COL5A2: variants seen among roughly 807,000 people sequenced by gnomAD.
COL5A2 encodes the protein collagen alpha-2(V) chain.
In COL5A2, 23 loss-of-function variants were observed where a neutral mutation model predicts 208.2. The observed-to-expected ratio is 0.11, with a 90% CI of 0.08 to 0.16. The LOEUF (loss-of-function observed/expected upper bound fraction) is 0.16. Ranked by LOEUF, COL5A2 falls within the 10% of genes least tolerant of loss-of-function variation. The pLI is 1.00. For missense variants in COL5A2, 1,590 were observed against 1,956.4 expected (o/e 0.81, Z 3.53); for synonymous variants, 625 against 628.5 (o/e 0.99, Z 0.08).
At chr2:189,351,477 C>A in the COL5A2 span, among the ~76,000 whole-genome samples, 4 of 152,052 alleles carry the variant, frequency 2.6e-5, no homozygotes, top group Non-Finnish European at 4.4e-5. Context: ...TATATAATAA[C>A]ATCAAAAATC....
At chr2:189,268,674 T>C in the COL5A2 span, among the ~76,000 whole-genome samples, 4 of 146,488 alleles carry the variant, frequency 2.7e-5, no homozygotes, top group Non-Finnish European at 6.0e-5. Flanking sequence ...CTTCATCTTT[T>C]GGCCAAAAGG....
At chr2:189,045,278 T>C (rs375278319) in intron 46 of COL5A2, 46 bp from the exon 47 acceptor site, 2 of 1,287,112 alleles carry the variant, frequency 1.6e-6, no homozygotes, top group Admixed American at 1.8e-5. Context: ...AAAAAAGATA[T>C]TCACATATTA....
At chr2:189,440,106 A>G in the COL5A2 span, among the ~76,000 whole-genome samples, 1 of 152,232 alleles carries the variant, frequency 6.6e-6, no homozygotes, top group African/African-American at 2.4e-5. Flanking sequence ...TGGCTCCCCA[A>G]ATAATAAAGT....
the COL5A2 span, among the ~76,000 whole-genome samples, chr2:189,357,307 G>T: frequency 6.6e-6 from 1 of 152,136 alleles, no homozygotes; most frequent in Non-Finnish European, 1.5e-5. Context: ...AGGCAGGGAC[G>T]TTTAAGTCTG....
At chr2:189,321,705 T>C in the COL5A2 span, among the ~76,000 whole-genome samples, 834 of 152,240 alleles carry the variant, frequency 5.5e-3, 13 homozygotes, top group African/African-American at 0.019. Flanking sequence ...CAAAGAGACT[T>C]AGACTCCCAC....
At chr2:189,123,384 C>T (rs769746179) in intron 1 of COL5A2, among the ~76,000 whole-genome samples, 3 of 152,142 alleles carry the variant, frequency 2.0e-5, no homozygotes, top group Non-Finnish European at 4.4e-5. Context: ...ATCCTCTGTA[C>T]TTCAGAATGT....
intron 1 of COL5A2, among the ~76,000 whole-genome samples, chr2:189,219,826 T>C (rs1689324369): frequency 6.6e-6 from 1 of 152,084 alleles, no homozygotes; most frequent in Non-Finnish European, 1.5e-5. Context: ...CTGGGAGCTA[T>C]GGAACCAGGG....
At chr2:189,166,001 A>G (rs1446790389) in intron 1 of COL5A2, among the ~76,000 whole-genome samples, 1 of 152,206 alleles carries the variant, frequency 6.6e-6, no homozygotes, top group East Asian at 1.9e-4. Context: ...AGGGTAAAAA[A>G]TAGAAGAGTC....
upstream of COL5A2, among the ~76,000 whole-genome samples, chr2:189,182,047 GC>G (rs1393177977): frequency 6.6e-6 from 1 of 152,148 alleles, no homozygotes; most frequent in Non-Finnish European, 1.5e-5. Context: ...TGCAACTTGG[GC>G]TTTTTCTCTA....
At chr2:189,097,172 G>C (rs1045302409) in intron 6 of COL5A2, 105 bp downstream of exon 6, 6 of 992,104 alleles carry the variant, frequency 6.0e-6, no homozygotes, top group East Asian at 2.4e-5. Flanking sequence ...AAATTTAATG[G>C]AGGTGAAAGA....
chr2:189,203,111 G>A (rs1689098637), intron 1 of COL5A2, among the ~76,000 whole-genome samples: 1 of 152,152 alleles, frequency 6.6e-6, no homozygotes, highest in Non-Finnish European at 1.5e-5. Flanking sequence ...GAAAAGATGA[G>A]TACTTGAAAC....
chr2:189,089,179 G>T (rs1427890244), intron 7 of COL5A2, among the ~76,000 whole-genome samples: 2 of 152,178 alleles, frequency 1.3e-5, no homozygotes, highest in African/African-American at 4.8e-5. Context: ...TTGTCCTAAA[G>T]ATTCCAGATT....
At chr2:189,113,384 C>T (rs1043823911) in intron 1 of COL5A2, among the ~76,000 whole-genome samples, 2 of 152,010 alleles carry the variant, frequency 1.3e-5, no homozygotes, top group Admixed American at 6.6e-5. Context: ...GCTATGGGAA[C>T]GCTATGCTAC....
chr2:189,092,905 G>T (rs1489621251), intron 6 of COL5A2, among the ~76,000 whole-genome samples: 1 of 152,060 alleles, frequency 6.6e-6, no homozygotes, highest in Non-Finnish European at 1.5e-5. Context: ...GAGATTTTCT[G>T]TCTAATTGTT....
intron 1 of COL5A2, among the ~76,000 whole-genome samples, chr2:189,150,118 C>T (rs1688115885): frequency 6.6e-6 from 1 of 152,142 alleles, no homozygotes. Flanking sequence ...TCACTCATTA[C>T]TGGCAAACAT....
intron 6 of COL5A2, among the ~76,000 whole-genome samples, chr2:189,092,704 G>C (rs538574370): frequency 1.3e-5 from 2 of 152,236 alleles, no homozygotes; most frequent in African/African-American, 4.8e-5. Context: ...CAGTTCAACA[G>C]TATTCTAAAG....
the COL5A2 span, among the ~76,000 whole-genome samples, chr2:189,365,299 T>G: frequency 6.6e-6 from 1 of 152,242 alleles, no homozygotes; most frequent in Non-Finnish European, 1.5e-5. Context: ...TGAATACTCC[T>G]CATGCCTCTA....
the COL5A2 span, among the ~76,000 whole-genome samples, chr2:189,417,436 ATTCT>A: frequency 2.3e-5 from 1 of 43,180 alleles, no homozygotes; most frequent in African/African-American, 4.4e-5. Flanking sequence ...CTTCCTTACT[ATTCT>A]TTTTTTTTCA....
chr2:189,078,253 T>C (rs1320283750), intron 16 of COL5A2, among the ~76,000 whole-genome samples: 1 of 152,292 alleles, frequency 6.6e-6, no homozygotes, highest in East Asian at 1.9e-4. Flanking sequence ...GTATTCATTA[T>C]TTTCTTAATT....
Sources: gnomAD v4.1 joint callset for allele counts (sites outside exome capture counted in the v4.1 genomes callset) on GRCh38, gnomAD v4.1.1 for gene constraint, MANE v1.5 for transcripts, NCBI Gene and HGNC (gene_info 2026-07-23, HGNC 2026-07-21) for gene names.